The following TIMELESS variants were observed in gnomAD, a reference collection of about 807,000 sequenced individuals.
TIMELESS encodes protein timeless homolog.
TIMELESS carries 124 observed loss-of-function variants against 164.3 expected under a neutral mutation model. The ratio of observed to expected loss-of-function variants is 0.75; its 90% CI spans 0.65 to 0.88. The LOEUF is 0.88. Among genes scored for constraint, TIMELESS ranks in the 40% least tolerant of loss-of-function variants. The pLI is 0.00. For missense variants in TIMELESS, 1,422 were observed against 1,491.4 expected (o/e 0.95, Z 0.77); for synonymous variants, 564 against 563.4 (o/e 1.00, Z -0.02).
chr12:56,421,510 T>C lies in TIMELESS; in HGVS notation c.2726-17A>G, dbSNP rs1881489050. The C allele has an allele frequency of 1.2e-6, 2 of 1,604,582 alleles. No individual in the cohort carries two copies. Among genetic ancestry groups the C allele is most frequent in the Non-Finnish European group, 8.5e-7 (1 of 1,174,254 alleles). On this transcript the variant is annotated splice_polypyrimidine_tract_variant and intron_variant, in intron 22 of 28. Coordinates refer to ENST00000553532, the MANE Select transcript of TIMELESS (RefSeq NM_003920.5). Reference sequence around the variant, plus strand: ...CCAGGACATCTATAAAAAGCAAGCATGTGAATACCCAAGGGTAACAGGGAA... The same window carrying C: ...CCAGGACATCTATAAAAAGCAAGCACGTGAATACCCAAGGGTAACAGGGAA...
rs550048328 is a variant in TIMELESS, at chr12:56,428,328, G to C, written c.1486C>G (p.Arg496Gly). The C allele has an allele frequency of 1.2e-6, 2 of 1,613,544 alleles. No individual in the cohort carries two copies. The highest frequency in any genetic ancestry group is 1.7e-6 in the Non-Finnish European group (2 of 1,179,660). ...FRKFDERCQP[R>G]SFLRDLVETT... ...TCCACCAGGTCACGAAGGAAAGAGC[G>C]GGGCTGGCATCTCTCATCAAACTTT... Residue 496 changes from arginine (R) to glycine (G), a missense_variant, in exon 13 of 29, where the codon CGC becomes GGC. By Grantham distance (125) the Arg-to-Gly change is moderately radical (BLOSUM62 -2). Transcript: ENST00000553532.
intron 5 of TIMELESS, 71 bp from the exon 6 acceptor site, chr12:56,433,198 C>T: frequency 2.0e-6 from 3 of 1,496,484 alleles, no homozygotes; most frequent in Admixed American, 3.4e-5. Flanking sequence ...GCTGGAAGAC[C>T]CAGGCATAGA....
chr12:56,438,830 G>A (rs1882157719), intron 1 of TIMELESS, among the ~76,000 whole-genome samples: 1 of 141,950 alleles, frequency 7.0e-6, no homozygotes, highest in African/African-American at 2.6e-5. Context: ...ACTGATACAT[G>A]CCATGAAGTA....
chr12:56,430,263 C>G lies in TIMELESS; in HGVS notation c.928G>C (p.Asp310His), dbSNP rs1881830939. The G allele has an allele frequency of 8.7e-6, 14 of 1,613,326 alleles. No homozygotes were observed. In the East Asian group the frequency reaches 2.0e-4, roughly 23 times the overall value. ...GLHNLRNYSS[D>H]LGKQPKKVPK... The stretch of plus-strand genomic sequence containing the variant: ...ACCTTTTTCGGCTGCTTTCCCAAAT[C>G]TGAACTGTAGTTTCGTAGCTGGGTG... Residue 310 changes from aspartate to histidine, a missense_variant, in exon 10 of 29, where the codon GAT becomes CAT. Asp to His is a moderately conservative substitution (Grantham distance 81). Coordinates refer to ENST00000553532, the MANE Select transcript of TIMELESS (RefSeq NM_003920.5).
rs564213591 is a variant in TIMELESS at position 56,448,950 on chromosome 12, C to A, written c.-62+360G>T. Among the ~76,000 whole-genome samples the A allele has an allele frequency of 7.2e-5, 11 of 152,300 alleles. No individual in the cohort carries two copies. The South Asian group carries it at 2.3e-3, about 32-fold the overall frequency. On this transcript the variant is annotated intron_variant, in intron 1 of 28. Transcript: ENST00000553532. ...CCACTGCTGACCGCCAGGCCACACA[C>A]CGGTTTTTTTCAGGAGGTCTCAACT...
chr12:56,448,754 T>C lies in TIMELESS; in HGVS notation c.-62+556A>G, dbSNP rs558529369. 4.7e-4 allele frequency among the ~76,000 whole-genome samples: 72 copies of C among 151,980 alleles called. No individual in the cohort carries two copies. In the South Asian group the frequency reaches 0.013, roughly 28 times the overall value. On this transcript the variant is annotated intron_variant, in intron 1 of 28. Transcript: ENST00000553532. ...AAAATAAAATAAAATAAATAAAAAA[T>C]TGAAAGTACTAGTCGAAGCACGAAT...
Position 56,423,895 on chromosome 12 carries a change from C to G in TIMELESS, c.1869-1G>C. On this transcript the variant is annotated splice_acceptor_variant, in intron 15 of 28. Transcript: ENST00000553532. LOFTEE classifies it high-confidence loss of function. ...CACATCTCCTTCAGGCCACACCTCC[C>G]TGGAGCACAGATAGAAAAAAGGCTT... The G allele has an allele frequency of 1.2e-6, 2 of 1,614,026 alleles. No homozygotes were observed. Among genetic ancestry groups the G allele is most frequent in the East Asian group, 2.2e-5 (1 of 44,880 alleles).
chr12:56,447,623 G>A (rs1253668999), intron 1 of TIMELESS, among the ~76,000 whole-genome samples: 1 of 152,098 alleles, frequency 6.6e-6, no homozygotes, highest in Non-Finnish European at 1.5e-5. Context: ...TAAGGGTCGG[G>A]AACTCTCCAT....
intron 1 of TIMELESS, among the ~76,000 whole-genome samples, chr12:56,447,846 AAG>A (rs941442561): frequency 4.6e-5 from 7 of 152,276 alleles, no homozygotes; most frequent in Admixed American, 2.0e-4. Flanking sequence ...TCAGTCTTCA[AAG>A]AGAAGTTCGC....
In TIMELESS at chr12:56,422,158, G is replaced by A. The variant is rs756306792; in HGVS notation, c.2472C>T (p.Pro824=). 64 of 1,613,838 alleles carry A rather than the reference G, an allele frequency of 4.0e-5. No homozygotes were observed. The highest frequency in any genetic ancestry group is 2.6e-4 in the South Asian group (24 of 91,056). The change falls in exon 20 of 29, where the codon CCC becomes CCT. Residue 824 remains proline, a synonymous_variant. Transcript: ENST00000553532. ...SSSRRAPTWS[P]EEEAHLRELY... is the part of the protein sequence containing the mutation. ...GCTCCCGAAGATGAGCCTCTTCTTC[G>A]GGGCTCCATGTAGGTGCTCTGCGAC...
intron 1 of TIMELESS, among the ~76,000 whole-genome samples, chr12:56,445,610 T>C (rs1868339692): frequency 6.6e-6 from 1 of 150,976 alleles, no homozygotes; most frequent in Non-Finnish European, 1.5e-5. Context: ...TAGTGGTGCA[T>C]GCCTGTAATC....
intron 7 of TIMELESS, 115 bp from the exon 8 acceptor site, chr12:56,431,719 G>A: frequency 3.1e-6 from 4 of 1,308,258 alleles, no homozygotes; most frequent in Non-Finnish European, 4.1e-6. Context: ...GGGGCATTGT[G>A]CTGTCGTTCT....
rs1233713016 is a variant in TIMELESS, at chr12:56,421,352, A to C, written c.2867T>G (p.Leu956Trp). The C allele has an allele frequency of 3.1e-6, 5 of 1,613,650 alleles. No homozygotes were observed. Among genetic ancestry groups the C allele is most frequent in the Admixed American group, 1.7e-5 (1 of 59,924 alleles). Residue 956 changes from leucine to tryptophan, a missense_variant and splice_region_variant, in exon 23 of 29, where the codon TTG (leucine) becomes TGG (tryptophan). Transcript: ENST00000553532. ...KRQKKLASSI[L>W]PNGAESLKDF... ...GCAGAGCTAGGGTCAGATTGTTACC[A>C]AGATGGAGGATGCCAACTTTTTCTG...
Position 56,418,227 on chromosome 12 carries a change from A to G in TIMELESS, c.3361T>C (p.Ser1121Pro), listed in dbSNP as rs922398172. 6.2e-7 allele frequency: 1 copy of G among 1,614,020 alleles called. No homozygotes were observed. The highest frequency in any genetic ancestry group is 1.3e-5 in the African/African-American group (1 of 74,884). ...TGCTCTTTACAGTGCTCCTCATCAG[A>G]GCCTTGCTCTCCAGGGACTTTAGGC... ...LQPKVPGEQG[S>P]DEEHCKEHRA... Residue 1121 changes from serine (S) to proline (P), a missense_variant, in exon 27 of 29, where the codon TCT becomes CCT. Ser to Pro is a moderately conservative substitution (Grantham distance 74). Transcript: ENST00000553532.
At chr12:56,421,581 C>CA in intron 22 of TIMELESS, 88 bp from the exon 23 acceptor site, 1 of 1,533,774 alleles carries the variant, frequency 6.5e-7, no homozygotes. Flanking sequence ...GAGGGTACCT[C>CA]AATTCATCCA....
At chr12:56,439,002 A>T (rs983098773) in intron 1 of TIMELESS, among the ~76,000 whole-genome samples, 7 of 151,092 alleles carry the variant, frequency 4.6e-5, no homozygotes, top group African/African-American at 1.7e-4. Flanking sequence ...TGTCTCTACT[A>T]AAAATACAAA....
intron 18 of TIMELESS, 99 bp from the exon 19 acceptor site, chr12:56,423,091 C>A: frequency 6.8e-7 from 1 of 1,463,034 alleles, no homozygotes; most frequent in Non-Finnish European, 9.2e-7. Flanking sequence ...CAGCTGCCCC[C>A]TCCTCACTCA....
At chr12:56,447,185 T>G (rs1407356506) in intron 1 of TIMELESS, among the ~76,000 whole-genome samples, 2 of 7,974 alleles carry the variant, frequency 2.5e-4, no homozygotes, top group South Asian at 7.0e-3. Context: ...AATTTTTGTT[T>G]TTTTTTTTTT....
At chr12:56,434,508 C>T (rs1882005908) in intron 1 of TIMELESS, among the ~76,000 whole-genome samples, 1 of 152,158 alleles carries the variant, frequency 6.6e-6, no homozygotes, top group African/African-American at 2.4e-5. Context: ...GAGGCCAAGG[C>T]AGGCAGATCA....
Sources: gnomAD v4.1 joint callset for allele counts (sites outside exome capture counted in the v4.1 genomes callset) on GRCh38, gnomAD v4.1.1 for gene constraint, MANE v1.5 for transcripts, NCBI Gene and HGNC (gene_info 2026-07-23, HGNC 2026-07-21) for gene names.